The following SPTLC2 variants were observed in gnomAD, a reference collection of about 807,000 sequenced individuals.
SPTLC2 encodes the protein serine palmitoyltransferase long chain base subunit 2.
A neutral mutation model predicts 62.0 loss-of-function variants in SPTLC2; 21 were observed. That is an observed-to-expected ratio of 0.34 (90% CI 0.24 to 0.49). SPTLC2 has a LOEUF of 0.49. Ranked by LOEUF, SPTLC2 falls within the 20% of genes least tolerant of loss-of-function variation. The probability of loss-of-function intolerance (pLI) is 0.99; values close to 1 mark genes in which losing one functional copy is unlikely to be tolerated. For missense variants in SPTLC2, 511 were observed against 713.0 expected (o/e 0.72, Z 3.23); for synonymous variants, 261 against 261.8 (o/e 1.00, Z 0.03).
chr14:77,512,717 C>T (rs1016583719), intron 11 of SPTLC2, among the ~76,000 whole-genome samples: 1 of 152,166 alleles, frequency 6.6e-6, no homozygotes, highest in African/African-American at 2.4e-5. Context: ...AATTTGTCAT[C>T]TCTCCCTTTT....
chr14:77,557,590 A>C (rs887814223), intron 6 of SPTLC2, among the ~76,000 whole-genome samples: 4 of 152,244 alleles, frequency 2.6e-5, no homozygotes, highest in Non-Finnish European at 1.5e-5. Flanking sequence ...CTAAAAAAAC[A>C]AACGCAAGGC....
chr14:77,555,403 C>T lies in SPTLC2; in HGVS notation c.1073G>A (p.Gly358Asp). The T allele has an allele frequency of 1.2e-6, 2 of 1,614,218 alleles. No individual in the cohort carries two copies. Among genetic ancestry groups the T allele is most frequent in the Non-Finnish European group, 1.7e-6 (2 of 1,180,044 alleles). The stretch of plus-strand genomic sequence containing the variant: ...ATCCAGGCCAAAGTACTCCACCACA[C>T]CCCGGCCTGTGGGGCCCAGGGCGCC... ...SIGALGPTGR[G>D]VVEYFGLDPE... Residue 358 changes from glycine (G) to aspartate (D), a missense_variant, in exon 8 of 12, where the codon GGT (glycine) becomes GAT (aspartate). Transcript: ENST00000216484.
chr14:77,554,917 T>A, intron 8 of SPTLC2: 1 of 309,174 alleles, frequency 3.2e-6, no homozygotes, highest in East Asian at 8.0e-5. Flanking sequence ...TATATTTGTG[T>A]CCAAGGGCAA....
chr14:77,569,751 T>G (rs190843128), intron 5 of SPTLC2, among the ~76,000 whole-genome samples: 44 of 143,356 alleles, frequency 3.1e-4, no homozygotes, highest in Non-Finnish European at 1.7e-4. Context: ...ACTACCCACT[T>G]GGGGATATAT....
At chr14:77,525,663 C>T (rs1263665376) in intron 9 of SPTLC2, among the ~76,000 whole-genome samples, 2 of 152,090 alleles carry the variant, frequency 1.3e-5, no homozygotes, top group Non-Finnish European at 2.9e-5. Context: ...GTAATCCCAG[C>T]ACTTTGGGAG....
Position 77,545,281 on chromosome 14 carries a change from T to TC in SPTLC2, c.1303+6814_1303+6815insG, listed in dbSNP as rs557719467. Among the ~76,000 whole-genome samples the TC allele has an allele frequency of 8.6e-4, 131 of 152,138 alleles. 1 individual carries two copies. The highest frequency in any genetic ancestry group is 3.1e-3 in the African/African-American group (127 of 41,524). On this transcript the variant is annotated intron_variant, in intron 9 of 11. Transcript: ENST00000216484. ...AGGGTATCGGGCACTTTTTTTTTTT[T>TC]TGAGATGGGAGTTTCACTCTTGTCT...
At chr14:77,585,497 G>T (rs2079776149) in intron 2 of SPTLC2, among the ~76,000 whole-genome samples, 1 of 152,062 alleles carries the variant, frequency 6.6e-6, no homozygotes, top group Admixed American at 6.5e-5. Context: ...TATAACAAAA[G>T]ACAAAATTTC....
At chr14:77,514,161 T>A (rs1218397062) in intron 11 of SPTLC2, among the ~76,000 whole-genome samples, 1 of 152,064 alleles carries the variant, frequency 6.6e-6, no homozygotes. Flanking sequence ...CCAGCCTGGG[T>A]GACTGAGACC....
At chr14:77,587,299 T>C (rs1320294325) in intron 2 of SPTLC2, among the ~76,000 whole-genome samples, 1 of 152,020 alleles carries the variant, frequency 6.6e-6, no homozygotes, top group East Asian at 1.9e-4. Flanking sequence ...GGAAAACAAT[T>C]TGGCACTATC....
At chr14:77,520,481 G>T (rs904544718) in intron 10 of SPTLC2, among the ~76,000 whole-genome samples, 1 of 152,188 alleles carries the variant, frequency 6.6e-6, no homozygotes, top group African/African-American at 2.4e-5. Context: ...CTCCTTCAAT[G>T]AGTTCAATCA....
intron 9 of SPTLC2, among the ~76,000 whole-genome samples, chr14:77,527,421 C>T (rs2079414702): frequency 6.6e-6 from 1 of 152,070 alleles, no homozygotes; most frequent in African/African-American, 2.4e-5. Flanking sequence ...TGAAGGAGCG[C>T]CACAATTATC....
At chr14:77,585,293 G>A (rs936578501) in intron 2 of SPTLC2, among the ~76,000 whole-genome samples, 1 of 152,162 alleles carries the variant, frequency 6.6e-6, no homozygotes. Context: ...GTATTTTACA[G>A]AGTCACTGAA....
At chr14:77,570,002 A>C (rs2079671250) in intron 5 of SPTLC2, among the ~76,000 whole-genome samples, 1 of 150,360 alleles carries the variant, frequency 6.7e-6, no homozygotes, top group Non-Finnish European at 1.5e-5. Context: ...AATCAAATTG[A>C]GACGAGGCCT....
intron 1 of SPTLC2, among the ~76,000 whole-genome samples, chr14:77,607,579 A>C (rs2079911893): frequency 6.6e-6 from 1 of 152,204 alleles, no homozygotes; most frequent in Non-Finnish European, 1.5e-5. Flanking sequence ...TTTCAGAGGT[A>C]CTACAACTTA....
chr14:77,539,953 T>C (rs992837663), intron 9 of SPTLC2, among the ~76,000 whole-genome samples: 1 of 152,032 alleles, frequency 6.6e-6, no homozygotes, highest in Non-Finnish European at 1.5e-5. Context: ...TCCCAGCACT[T>C]TGGGAGGCCG....
At chr14:77,597,824 A>C (rs2079856059) in intron 1 of SPTLC2, among the ~76,000 whole-genome samples, 2 of 150,540 alleles carry the variant, frequency 1.3e-5, no homozygotes, top group Admixed American at 6.6e-5. Flanking sequence ...AACAAGAAAA[A>C]AAAAAAAAAG....
intron 1 of SPTLC2, among the ~76,000 whole-genome samples, chr14:77,614,975 AAAAAAC>A (rs1196125882): frequency 1.7e-3 from 251 of 151,846 alleles, no homozygotes; most frequent in Middle Eastern, 0.01. Context: ...GTCTGAAAAA[AAAAAAC>A]AAAAACAAAA....
At chr14:77,543,833 A>G (rs2079514464) in intron 9 of SPTLC2, among the ~76,000 whole-genome samples, 1 of 152,150 alleles carries the variant, frequency 6.6e-6, no homozygotes, top group Non-Finnish European at 1.5e-5. Flanking sequence ...CCAGGCATTT[A>G]GAGTTCCAGA....
At chr14:77,553,484 T>C (rs1594985905) in intron 8 of SPTLC2, among the ~76,000 whole-genome samples, 1 of 151,886 alleles carries the variant, frequency 6.6e-6, no homozygotes. Flanking sequence ...GTAATCCTAG[T>C]ACTTTGGGAG....
Sources: allele counts gnomAD v4.1 joint callset (sites outside exome capture counted in the v4.1 genomes callset), GRCh38; gene constraint gnomAD v4.1.1; transcripts MANE v1.5; gene names NCBI Gene and HGNC (gene_info 2026-07-23, HGNC 2026-07-21).